ABL2: variants seen among roughly 807,000 people sequenced by gnomAD.
ABL2 encodes tyrosine-protein kinase ABL2.
ABL2 carries 49 observed loss-of-function variants against 107.7 expected under a neutral mutation model. That is an observed-to-expected ratio of 0.45 (90% confidence interval 0.36 to 0.58). The LOEUF is 0.58. ABL2 is among the 20% of genes least tolerant of loss of function. The pLI, the probability that ABL2 is intolerant of heterozygous loss-of-function variation, is 0.00. For missense variants in ABL2, 1,245 were observed against 1,457.0 expected, an observed-to-expected ratio of 0.85 and a Z score of 2.37; for synonymous variants, 549 against 548.6, an observed-to-expected ratio of 1.00 and a Z score of -0.01.
chr1:179,133,724 A>C (rs76266480), intron 1 of ABL2, among the ~76,000 whole-genome samples: 3 of 152,352 alleles, frequency 2.0e-5, no homozygotes, highest in Non-Finnish European at 4.4e-5. Context: ...TGGATGCTTA[A>C]AATCAATCAG....
intron 1 of ABL2, among the ~76,000 whole-genome samples, chr1:179,140,150 C>T (rs1461823090): frequency 2.0e-5 from 3 of 152,190 alleles, no homozygotes; most frequent in Non-Finnish European, 4.4e-5. Context: ...TCCTTAAAGG[C>T]CCTGCAAGGT....
At chr1:179,113,882 C>T (rs1318280103) in intron 9 of ABL2, among the ~76,000 whole-genome samples, 4 of 151,390 alleles carry the variant, frequency 2.6e-5, no homozygotes, top group South Asian at 2.1e-4. Flanking sequence ...TGCAGTGAGC[C>T]GAGATCGCGC....
At chr1:179,212,497 C>G (rs1662327632) in intron 1 of ABL2, among the ~76,000 whole-genome samples, 2 of 152,164 alleles carry the variant, frequency 1.3e-5, no homozygotes, top group South Asian at 4.1e-4. Context: ...CTTTGGGAGG[C>G]CAAGGCAGGT....
chr1:179,209,913 C>G (rs185214866), intron 1 of ABL2, among the ~76,000 whole-genome samples: 2 of 152,290 alleles, frequency 1.3e-5, no homozygotes, highest in Non-Finnish European at 2.9e-5. Flanking sequence ...TCTCACTCTG[C>G]ACCCAGACTG....
chr1:179,133,398 C>G, intron 1 of ABL2, 24 bp from the exon 2 acceptor site: 3 of 1,613,984 alleles, frequency 1.9e-6, no homozygotes, highest in South Asian at 1.1e-5. Flanking sequence ...AAATTGACCA[C>G]GTCACTTTTC....
At chr1:179,226,529 G>A (rs1028037360) in intron 1 of ABL2, among the ~76,000 whole-genome samples, 2 of 151,862 alleles carry the variant, frequency 1.3e-5, no homozygotes, top group Admixed American at 6.6e-5. Context: ...GGCTGGTCTC[G>A]AACTCCTGAC....
chr1:179,132,540 TATC>T (rs960988897), intron 2 of ABL2, among the ~76,000 whole-genome samples: 1 of 151,192 alleles, frequency 6.6e-6, no homozygotes, highest in Non-Finnish European at 1.5e-5. Context: ...TTATTATTAT[TATC>T]ATTATTATTT....
intron 1 of ABL2, among the ~76,000 whole-genome samples, chr1:179,171,279 T>C (rs534078712): frequency 1.5e-4 from 23 of 152,288 alleles, no homozygotes; most frequent in African/African-American, 4.8e-4. Context: ...ACCCCACTTA[T>C]AGTAGGATTT....
rs28913897 is a variant in ABL2, at chr1:179,106,489, G to C, written c.*1229C>G. On this transcript the variant is annotated 3_prime_UTR_variant, in exon 12 of 12. Transcript: ENST00000502732. The stretch of plus-strand genomic sequence containing the variant: ...ACAAATAAGCACAATGATTGGGTGG[G>C]GGAGTAGGGAGGAATATGTGAGAGA... 199 of 233,062 alleles carry C rather than the reference G, an allele frequency of 8.5e-4. 3 individuals are homozygous for C. In the East Asian group the frequency reaches 0.012, roughly 14 times the overall value. The allele number at this position is 233,062 out of a possible 1,614,324, so 14.4% of individuals were successfully genotyped here. A position where few individuals can be genotyped will look rare whatever the true frequency, so the allele number is the denominator to read the frequency against.
chr1:179,224,213 GTTTGA>G (rs1244345402), intron 1 of ABL2, among the ~76,000 whole-genome samples: 1 of 149,108 alleles, frequency 6.7e-6, no homozygotes, highest in African/African-American at 2.5e-5. Flanking sequence ...AAAATAATGA[GTTTGA>G]TTTAAGGAAA....
chr1:179,125,012 C>T (rs1298575833), intron 4 of ABL2, among the ~76,000 whole-genome samples: 1 of 152,218 alleles, frequency 6.6e-6, no homozygotes, highest in African/African-American at 2.4e-5. Context: ...TCCTCATCCC[C>T]TGGCTAATAC....
intron 1 of ABL2, among the ~76,000 whole-genome samples, chr1:179,209,133 T>A (rs1662134621): frequency 6.6e-6 from 1 of 152,178 alleles, no homozygotes; most frequent in Non-Finnish European, 1.5e-5. Flanking sequence ...CCAGCCCTTC[T>A]CCTCTGAAGC....
At chr1:179,184,465 A>AT in intron 1 of ABL2, 1 of 921,852 alleles carries the variant, frequency 1.1e-6, no homozygotes, top group South Asian at 1.4e-5. Context: ...GACCATTCTG[A>AT]TGCAGGTGCT....
chr1:179,210,850 T>C (rs530360836), intron 1 of ABL2, among the ~76,000 whole-genome samples: 18 of 151,754 alleles, frequency 1.2e-4, no homozygotes, highest in Admixed American at 3.3e-4. Context: ...CAAGACTCTG[T>C]CTCAAAAAAA....
chr1:179,202,710 C>G (rs1250850683), intron 1 of ABL2, among the ~76,000 whole-genome samples: 1 of 152,114 alleles, frequency 6.6e-6, no homozygotes, highest in Non-Finnish European at 1.5e-5. Flanking sequence ...CTCATGTAAA[C>G]TTAATATGAG....
In ABL2 at chr1:179,104,744, C is replaced by T. The variant is rs1351179271; in HGVS notation, c.*2974G>A. 9.2e-6 allele frequency: 2 copies of T among 216,494 alleles called. No homozygotes were observed. The highest frequency in any genetic ancestry group is 2.3e-5 in the African/African-American group (1 of 44,434). 13.4% of individuals were successfully genotyped at this position (216,494 alleles called of 1,614,324 possible). On this transcript the variant is annotated 3_prime_UTR_variant, in exon 12 of 12. Coordinates refer to ENST00000502732, the MANE Select transcript of ABL2 (RefSeq NM_007314.4). ...CTAAACTGAAGTAATATTATCTGTA[C>T]ATGAAAGGAATCAAGCAGTGGCAGC...
In ABL2 at chr1:179,117,292, A is replaced by T. The variant is rs139017377; in HGVS notation, c.1408+40T>A. The stretch of plus-strand genomic sequence containing the variant: ...AAGAATCAAGGCATTTATAAAAAAA[A>T]AAATAAAATGACACAGAAAAAAGTC... On this transcript the variant is annotated intron_variant, in intron 8 of 11. Transcript: ENST00000502732. 4.6e-4 allele frequency: 725 copies of T among 1,592,866 alleles called. 10 individuals carry two copies. The African/African-American group carries it at 6.3e-3, about 14-fold the overall frequency.
At chr1:179,229,170 G>GCCCCCCCCCCCCCCCCCCCCCCCCCCCC in intron 1 of ABL2, 71 bp downstream of exon 1, 1 of 266,256 alleles carries the variant, frequency 3.8e-6, no homozygotes, top group Non-Finnish European at 6.8e-6. Flanking sequence ...CAGCCCGTCC[G>GCCCCCCCCCCCCCCCCCCCCCCCCCCCC]CCACCCACCC....
rs1278564780 is a variant in ABL2 at position 179,106,491 on chromosome 1, G to A, written c.*1227C>T. On this transcript the variant is annotated 3_prime_UTR_variant, in exon 12 of 12. Transcript: ENST00000502732. The stretch of plus-strand genomic sequence containing the variant: ...AAATAAGCACAATGATTGGGTGGGG[G>A]AGTAGGGAGGAATATGTGAGAGAAG... The A allele has an allele frequency of 4.3e-6, 1 of 232,998 alleles. No homozygotes were observed. The highest frequency in any genetic ancestry group is 2.2e-5 in the African/African-American group (1 of 45,342). The allele number at this position is 232,998 out of a possible 1,614,324, so 14.4% of individuals were successfully genotyped here.
Sources: allele counts gnomAD v4.1 joint callset (sites outside exome capture counted in the v4.1 genomes callset), GRCh38; gene constraint gnomAD v4.1.1; transcripts MANE v1.5; gene names NCBI Gene and HGNC (gene_info 2026-07-23, HGNC 2026-07-21).